WDR3: variants seen among roughly 807,000 people sequenced by gnomAD.
WDR3 encodes the protein WD repeat domain 3.
Under a neutral mutation model 123.7 loss-of-function variants are expected in WDR3, and 81 were observed. The ratio of observed to expected loss-of-function variants is 0.65; its 90% confidence interval spans 0.55 to 0.79. The LOEUF (loss-of-function observed/expected upper bound fraction) is 0.79. Among genes scored for constraint, WDR3 ranks in the 30% least tolerant of loss-of-function variants. The pLI, the probability that WDR3 is intolerant of heterozygous loss-of-function variation, is 0.00. For missense variants in WDR3, 1,027 were observed against 1,123.2 expected, an observed-to-expected ratio of 0.91 and a Z score of 1.22; for synonymous variants, 390 against 388.8, an observed-to-expected ratio of 1.00 and a Z score of -0.04.
Position 117,953,008 on chromosome 1 carries a change from T to C in WDR3, c.2202+12T>C, listed in dbSNP as rs775910421. ...AAGACCAACCAGCAGTAAGTAAATT[T>C]TGGGGACCTTGAGATTATGCCCCAT... On this transcript the variant is annotated intron_variant, in intron 20 of 26. Transcript: ENST00000349139. 5.0e-6 allele frequency: 8 copies of C among 1,612,746 alleles called. No homozygotes were observed. Among genetic ancestry groups the C allele is most frequent in the Non-Finnish European group, 6.8e-6 (8 of 1,179,218 alleles).
In WDR3 at chr1:117,938,521, AG is replaced by A; in HGVS notation, c.543del (p.Gln181HisfsTer35). 6.2e-7 allele frequency: 1 copy of A among 1,613,416 alleles called. No homozygotes were observed. Among genetic ancestry groups the A allele is most frequent in the Non-Finnish European group, 8.5e-7 (1 of 1,179,462 alleles). On this transcript the variant is annotated frameshift_variant, in exon 5 of 27. Coordinates refer to ENST00000349139, the MANE Select transcript of WDR3 (RefSeq NM_006784.3). LOFTEE classifies it high-confidence loss of function. ...TMVKWWDLDT[Q>X]HCFKTMVGHR... ...GTGAAATGGTGGGACCTTGATACTC[AG>A]CACTGCTTTAAAACAATGGTTGGCC... is the stretch of plus-strand genomic sequence containing the variant.
Position 117,938,558 on chromosome 1 carries a change from G to A in WDR3, c.579G>A (p.Glu193=). The part of the protein sequence containing the change: ...CFKTMVGHRT[E]VWGLVLLSEE... ...AAACAATGGTTGGCCACCGGACTGAGGTAAGTGTAGGGTCATGGGCCCAGG... is the reference window on the plus strand; with the variant it reads ...AAACAATGGTTGGCCACCGGACTGAAGTAAGTGTAGGGTCATGGGCCCAGG... Residue 193 remains glutamate, a splice_region_variant and synonymous_variant, in exon 5 of 27, where the codon GAG becomes GAA. Coordinates refer to ENST00000349139, the MANE Select transcript of WDR3 (RefSeq NM_006784.3). 1 of 1,612,992 alleles carries A rather than the reference G, an allele frequency of 6.2e-7. No individual in the cohort carries two copies. Among genetic ancestry groups the A allele is most frequent in the African/African-American group, 1.3e-5 (1 of 74,996 alleles).
At position 117,937,397 on chromosome 1, in the gene WDR3, C is replaced by T. The variant is rs537601435; in HGVS notation, c.500+510C>T. Among the ~76,000 whole-genome samples, 126 of 152,072 alleles carry T rather than the reference C, an allele frequency of 8.3e-4. 1 individual carries two copies. The highest frequency in any genetic ancestry group is 6.9e-4 in the Non-Finnish European group (47 of 67,948). On this transcript the variant is annotated intron_variant, in intron 4 of 26. Transcript: ENST00000349139. ...CAACCTAATATAATAATGAATATTC[C>T]TAAAGAATGGCCACCTAGGAAAAGC...
At position 117,943,485 on chromosome 1, in the gene WDR3, C is replaced by A; in HGVS notation, c.1187C>A (p.Pro396Gln). The A allele has an allele frequency of 6.2e-7, 1 of 1,614,070 alleles. No individual in the cohort carries two copies. Among genetic ancestry groups the A allele is most frequent in the East Asian group, 2.2e-5 (1 of 44,850 alleles). ...CTGGTGGAATTGTATTCACTGAATCCATCCTTGCCTACTCCTCAGCCTGTC... is the reference window on the plus strand; with the variant it reads ...CTGGTGGAATTGTATTCACTGAATCAATCCTTGCCTACTCCTCAGCCTGTC... ...NNLVELYSLN[P>Q]SLPTPQPVRT... Residue 396 changes from proline to glutamine, a missense_variant, in exon 11 of 27, where the codon CCA becomes CAA. Physicochemically the swap from Pro to Gln is moderately conservative, Grantham distance 76. Coordinates refer to ENST00000349139, the MANE Select transcript of WDR3 (RefSeq NM_006784.3).
chr1:117,939,167 G>T (rs891882545), intron 5 of WDR3, among the ~76,000 whole-genome samples: 1 of 152,202 alleles, frequency 6.6e-6, no homozygotes, highest in Admixed American at 6.5e-5. Context: ...AGAAATAGAA[G>T]ACTTAAAATC....
At chr1:117,954,940 A>G (rs1651952287) in intron 23 of WDR3, 2 of 387,404 alleles carry the variant, frequency 5.2e-6, no homozygotes, top group Non-Finnish European at 9.1e-6. Context: ...CAGCCTTCAG[A>G]AGGAAAGTTG....
chr1:117,936,980 T>TGAGA, intron 4 of WDR3, 93 bp downstream of exon 4: 3 of 1,014,082 alleles, frequency 3.0e-6, no homozygotes, highest in Non-Finnish European at 4.4e-6. Flanking sequence ...AGTGTGCTCA[T>TGAGA]GCTTATGCAT....
At chr1:117,939,943 T>G (rs1651082376) in intron 6 of WDR3, among the ~76,000 whole-genome samples, 1 of 152,198 alleles carries the variant, frequency 6.6e-6, no homozygotes, top group Non-Finnish European at 1.5e-5. Flanking sequence ...GATCTATAAC[T>G]TTTTCTTAGA....
Position 117,942,457 on chromosome 1 carries a change from AG to A in WDR3, c.1012del (p.Glu338ArgfsTer10). ...TCTAGATTACATTCTAGCAAAGGAGAGGAGGAAGATCCTGAGGTTAATGTTG... is the reference window on the plus strand; with the variant it reads ...TCTAGATTACATTCTAGCAAAGGAGAGAGGAAGATCCTGAGGTTAATGTTG... ...KKAKLHSSKG[E>X]EEDPEVNVEM... On this transcript the variant is annotated frameshift_variant, in exon 10 of 27. Coordinates refer to ENST00000349139, the MANE Select transcript of WDR3 (RefSeq NM_006784.3). LOFTEE classifies it high-confidence loss of function. 1 of 1,613,918 alleles carries A rather than the reference AG, an allele frequency of 6.2e-7. No individual in the cohort carries two copies. Among genetic ancestry groups the A allele is most frequent in the Non-Finnish European group, 8.5e-7 (1 of 1,179,854 alleles).
At chr1:117,953,938 T>G in intron 21 of WDR3, 69 bp from the exon 22 acceptor site, 5 of 1,355,260 alleles carry the variant, frequency 3.7e-6, no homozygotes, top group Non-Finnish European at 5.1e-6. Flanking sequence ...TGGTCAGTTC[T>G]TCCAGTTTCA....
At chr1:117,936,449 A>G (rs1183860352) in intron 3 of WDR3, among the ~76,000 whole-genome samples, 2 of 152,154 alleles carry the variant, frequency 1.3e-5, no homozygotes, top group African/African-American at 4.8e-5. Context: ...AACACTCTGG[A>G]ATAACATGGA....
chr1:117,937,135 A>C (rs918397566), intron 4 of WDR3, among the ~76,000 whole-genome samples: 1 of 151,944 alleles, frequency 6.6e-6, no homozygotes, highest in Non-Finnish European at 1.5e-5. Context: ...TGTGTTTCTT[A>C]GCCTTTTGAA....
In WDR3 at chr1:117,960,902, CATGAT is replaced by C. The variant is rs1472425070; in HGVS notation, c.*1458_*1462del. ...AGTATCTACATATATTTTGTGCATTCATGATATAACTACTTTTTTCCTAATTTTTT... is the reference window on the plus strand; with the variant it reads ...AGTATCTACATATATTTTGTGCATTCATAACTACTTTTTTCCTAATTTTTT... On this transcript the variant is annotated 3_prime_UTR_variant, in exon 27 of 27. Transcript: ENST00000349139. 1.3e-5 allele frequency: 2 copies of C among 152,178 alleles called. No homozygotes were observed. The highest frequency in any genetic ancestry group is 6.5e-5 in the Admixed American group (1 of 15,280). The allele number at this position is 152,178 out of a possible 1,614,324, so 9.4% of individuals were successfully genotyped here. A position where few individuals can be genotyped will look rare whatever the true frequency, so the allele number is the denominator to read the frequency against.
In WDR3 at chr1:117,952,327, T is replaced by A; in HGVS notation, c.1935T>A (p.Ser645=). The change falls in exon 18 of 27, where the codon TCT becomes TCA. Residue 645 remains serine, a synonymous_variant. Transcript: ENST00000349139. Reference sequence around the variant, plus strand: ...TGTACCTACAGTTTGTACCCAAGTCTCACCTCTTCTTCACTGCCGGAAAAG... The same window carrying A: ...TGTACCTACAGTTTGTACCCAAGTCACACCTCTTCTTCACTGCCGGAAAAG... ...SVMYLQFVPK[S]HLFFTAGKDH... is the part of the protein sequence containing the mutation. 1 of 1,613,254 alleles carries A rather than the reference T, an allele frequency of 6.2e-7. No individual in the cohort carries two copies. The highest frequency in any genetic ancestry group is 1.3e-5 in the African/African-American group (1 of 75,018).
chr1:117,930,684 A>C (rs767770667), intron 1 of WDR3, among the ~76,000 whole-genome samples: 1 of 152,218 alleles, frequency 6.6e-6, no homozygotes, highest in African/African-American at 2.4e-5. Context: ...AAAGAGCTGG[A>C]ACTGAAAGTG....
chr1:117,957,739 TGTGTGGCCCGAGACGGTTCTTCCA>T (rs1199169179), intron 25 of WDR3, among the ~76,000 whole-genome samples: 3 of 152,226 alleles, frequency 2.0e-5, no homozygotes, highest in African/African-American at 7.2e-5. Flanking sequence ...GTGTATTTTA[TGTGTGGCCCGAGACGGTTCTTCCA>T]GTGTGGCCCA....
chr1:117,942,865 T>G (rs1651221241), intron 10 of WDR3, among the ~76,000 whole-genome samples: 1 of 150,914 alleles, frequency 6.6e-6, no homozygotes, highest in Admixed American at 6.6e-5. Context: ...CCAAAGTATG[T>G]ATCAGAACCA....
Position 117,959,606 on chromosome 1 carries a change from C to A in WDR3, c.*159C>A. 1 of 699,078 alleles carries A rather than the reference C, an allele frequency of 1.4e-6. No individual in the cohort carries two copies. The highest frequency in any genetic ancestry group is 2.1e-6 in the Non-Finnish European group (1 of 466,470). 43.3% of individuals were successfully genotyped at this position (699,078 alleles called of 1,614,324 possible). A position where few individuals can be genotyped will look rare whatever the true frequency, so the allele number is the denominator to read the frequency against. On this transcript the variant is annotated 3_prime_UTR_variant, in exon 27 of 27. Coordinates refer to ENST00000349139, the MANE Select transcript of WDR3 (RefSeq NM_006784.3). ...GTTTCCAGCTTTGCCTGAGGGAATT[C>A]CAACATGAGATTATGGGCTGGCTCC...
intron 10 of WDR3, among the ~76,000 whole-genome samples, chr1:117,942,836 A>C (rs1337909086): frequency 1.1e-4 from 16 of 152,116 alleles, no homozygotes; most frequent in Middle Eastern, 3.4e-3. Context: ...GGTCACTTAT[A>C]AAGAATACAT....
Sources: allele counts gnomAD v4.1 joint callset (sites outside exome capture counted in the v4.1 genomes callset), GRCh38; gene constraint gnomAD v4.1.1; transcripts MANE v1.5; gene names NCBI Gene and HGNC (gene_info 2026-07-23, HGNC 2026-07-21).